NR5A2: variants seen among roughly 807,000 people sequenced by gnomAD.
NR5A2 encodes CYP7A promoter-binding factor.
In NR5A2, 26 loss-of-function variants were observed where a neutral mutation model predicts 62.7. The ratio of observed to expected loss-of-function variants is 0.41; its 90% confidence interval spans 0.30 to 0.58. NR5A2 has a LOEUF of 0.58. NR5A2 is among the 20% of genes least tolerant of loss of function. The pLI, the probability that NR5A2 is intolerant of heterozygous loss-of-function variation, is 0.22. For missense variants in NR5A2, 541 were observed against 669.1 expected (o/e 0.81, Z 2.11); for synonymous variants, 246 against 241.7 (o/e 1.02, Z -0.16).
At position 200,104,357 on chromosome 1, in the gene NR5A2, G is replaced by C. The variant is rs535262398; in HGVS notation, c.1111-6845G>C. ...TTGGACTTTGTAGCAGTTTATTATA[G>C]AGGTTGCAGATAATCATCAGTGTTC... On this transcript the variant is annotated intron_variant, in intron 5 of 7. Transcript: ENST00000367362. Among the ~76,000 whole-genome samples the C allele has an allele frequency of 2.6e-5, 4 of 152,250 alleles. No individual in the cohort carries two copies. The East Asian group carries it at 7.7e-4, about 29-fold the overall frequency.
At chr1:200,090,127 C>T (rs1337421409) in intron 5 of NR5A2, among the ~76,000 whole-genome samples, 1 of 152,208 alleles carries the variant, frequency 6.6e-6, no homozygotes, top group Non-Finnish European at 1.5e-5. Context: ...ACCCCCTCAA[C>T]TCTTTCCAAC....
chr1:200,128,174 C>T (rs1460334861), intron 7 of NR5A2, among the ~76,000 whole-genome samples: 2 of 152,118 alleles, frequency 1.3e-5, no homozygotes, highest in African/African-American at 4.8e-5. Context: ...GTCGGCCCTG[C>T]AGAACCCGAG....
At chr1:200,169,421 A>G (rs1157608102) in intron 7 of NR5A2, among the ~76,000 whole-genome samples, 1 of 152,170 alleles carries the variant, frequency 6.6e-6, no homozygotes, top group Admixed American at 6.5e-5. Context: ...ATTTCTGAAA[A>G]AGTGTGTTGA....
At chr1:200,070,235 G>T (rs928600326) in intron 5 of NR5A2, among the ~76,000 whole-genome samples, 17 of 152,076 alleles carry the variant, frequency 1.1e-4, no homozygotes, top group African/African-American at 3.9e-4. Flanking sequence ...GAGCCCCTTT[G>T]TGCATTTGCT....
intron 5 of NR5A2, among the ~76,000 whole-genome samples, chr1:200,103,954 G>T (rs1665518235): frequency 6.6e-6 from 1 of 151,754 alleles, no homozygotes; most frequent in Non-Finnish European, 1.5e-5. Flanking sequence ...GGGACTATTG[G>T]GCGTGACGTA....
In NR5A2 at chr1:200,137,535, G is replaced by A. The variant is rs548025055; in HGVS notation, c.1378+16580G>A. 7.9e-5 allele frequency among the ~76,000 whole-genome samples: 12 copies of A among 152,086 alleles called. No homozygotes were observed. The South Asian group carries it at 8.3e-4, about 11-fold the overall frequency. On this transcript the variant is annotated intron_variant, in intron 7 of 7. Transcript: ENST00000367362. The stretch of plus-strand genomic sequence containing the variant: ...CTATCCTCTTACAAATATTTACTGT[G>A]AACAGAATTTGATAATTGATTGAAA...
intron 2 of NR5A2, among the ~76,000 whole-genome samples, chr1:200,042,674 G>T (rs1423264643): frequency 6.6e-6 from 1 of 152,224 alleles, no homozygotes; most frequent in Non-Finnish European, 1.5e-5. Context: ...GTGCCCGGGG[G>T]AGTGCGGGCA....
intron 5 of NR5A2, among the ~76,000 whole-genome samples, chr1:200,091,774 C>A (rs1010405218): frequency 2.6e-5 from 4 of 152,202 alleles, no homozygotes; most frequent in African/African-American, 9.7e-5. Context: ...TGAGCCACTG[C>A]ACCTGGCCCC....
In NR5A2 at chr1:200,111,413, T is replaced by G. The variant is rs1036132060; in HGVS notation, c.1230+92T>G. The stretch of plus-strand genomic sequence containing the variant: ...TTTAACTAGGTCAGAAGCACTCTTG[T>G]GCTTTGAAAGGGAGAGATTGGCTGC... On this transcript the variant is annotated intron_variant, in intron 6 of 7. Coordinates refer to ENST00000367362, the MANE Select transcript of NR5A2 (RefSeq NM_205860.3). 4.4e-5 allele frequency: 62 copies of G among 1,416,502 alleles called. No homozygotes were observed. In the East Asian group the frequency reaches 1.4e-3, roughly 33 times the overall value. 87.7% of individuals were successfully genotyped at this position (1,416,502 alleles called of 1,614,324 possible). A position where few individuals can be genotyped will look rare whatever the true frequency, so the allele number is the denominator to read the frequency against.
intron 7 of NR5A2, among the ~76,000 whole-genome samples, chr1:200,131,782 C>T (rs993774709): frequency 4.6e-5 from 7 of 152,178 alleles, no homozygotes; most frequent in African/African-American, 1.7e-4. Context: ...CTGAGTCTTG[C>T]ATTAGATCTT....
intron 1 of NR5A2, among the ~76,000 whole-genome samples, chr1:200,035,893 C>G (rs991443065): frequency 7.9e-5 from 12 of 152,238 alleles, no homozygotes; most frequent in Admixed American, 2.0e-4. Flanking sequence ...TGAGAACGCG[C>G]AAGGTAGTTG....
At chr1:200,036,116 T>G (rs1241204891) in intron 1 of NR5A2, among the ~76,000 whole-genome samples, 2 of 152,138 alleles carry the variant, frequency 1.3e-5, no homozygotes, top group Admixed American at 1.3e-4. Context: ...TATGGGTCAG[T>G]GCAGACCACC....
chr1:200,155,356 T>C (rs948626750), intron 7 of NR5A2, among the ~76,000 whole-genome samples: 2 of 152,210 alleles, frequency 1.3e-5, no homozygotes, highest in African/African-American at 4.8e-5. Flanking sequence ...AGAGATAAAA[T>C]GAAGCAACTC....
intron 5 of NR5A2, among the ~76,000 whole-genome samples, chr1:200,097,657 T>C (rs1167650396): frequency 1.3e-5 from 2 of 152,132 alleles, no homozygotes; most frequent in African/African-American, 4.8e-5. Context: ...TATCTAGAAA[T>C]ATGGAAGACA....
chr1:200,063,516 A>G (rs1022096102), intron 5 of NR5A2, among the ~76,000 whole-genome samples: 1 of 152,150 alleles, frequency 6.6e-6, no homozygotes, highest in Non-Finnish European at 1.5e-5. Flanking sequence ...GTGTTATTGA[A>G]GGAGTTTTAT....
intron 5 of NR5A2, among the ~76,000 whole-genome samples, chr1:200,090,192 G>T (rs1664753181): frequency 6.6e-6 from 1 of 152,088 alleles, no homozygotes; most frequent in Non-Finnish European, 1.5e-5. Context: ...TTTGAATTTG[G>T]TAGTTACACC....
rs1487776569 is a variant in NR5A2, at chr1:200,147,974, G to A, written c.1379-25989G>A. On this transcript the variant is annotated intron_variant, in intron 7 of 7. Coordinates refer to ENST00000367362, the MANE Select transcript of NR5A2 (RefSeq NM_205860.3). This position sits in a 1 kb window ranked among gnomAD's most constrained non-coding sequence, Gnocchi z 4.9. ...CCCTGTGGTAGGCGATGCATCGGGC[G>A]GCCGCCTTGACCTCCTCCCGCGAGC... 5 of 321,190 alleles carry A rather than the reference G, an allele frequency of 1.6e-5. No homozygotes were observed. The highest frequency in any genetic ancestry group is 9.1e-5 in the Admixed American group (2 of 21,886). The allele number at this position is 321,190 out of a possible 1,614,324, so 19.9% of individuals were successfully genotyped here.
intron 5 of NR5A2, among the ~76,000 whole-genome samples, chr1:200,064,295 C>T (rs1571738188): frequency 6.6e-6 from 1 of 152,276 alleles, no homozygotes; most frequent in East Asian, 1.9e-4. Context: ...TGTGCAAGTA[C>T]TTGGTTATGA....
intron 6 of NR5A2, among the ~76,000 whole-genome samples, chr1:200,116,904 TTAAC>T (rs1418762178): frequency 6.6e-6 from 1 of 152,242 alleles, no homozygotes; most frequent in Non-Finnish European, 1.5e-5. Context: ...TTGTTGCTAA[TTAAC>T]AGCCACTGTA....
Sources: gnomAD v4.1 joint callset for allele counts (sites outside exome capture counted in the v4.1 genomes callset) on GRCh38, gnomAD v4.1.1 for gene constraint, Gnocchi (gnomAD v3.1) non-coding constraint, MANE v1.5 for transcripts, NCBI Gene and HGNC (gene_info 2026-07-23, HGNC 2026-07-21) for gene names.